SENP7: variants seen among roughly 807,000 people sequenced by gnomAD.
The protein encoded by SENP7 is sentrin-specific protease 7.
In SENP7, 64 loss-of-function variants were observed where a neutral mutation model predicts 141.2. The observed-to-expected ratio is 0.45, with a 90% CI of 0.37 to 0.56. The LOEUF (loss-of-function observed/expected upper bound fraction) is 0.56. Among genes scored for constraint, SENP7 ranks in the 20% least tolerant of loss-of-function variants. SENP7 has a pLI of 0.00. For synonymous variants in SENP7, 382 were observed against 426.4 expected (o/e 0.90, Z 1.28); for missense variants, 1,025 against 1,212.2 (o/e 0.85, Z 2.29).
At chr3:101,426,869 A>T (rs1281575230) in intron 4 of SENP7, among the ~76,000 whole-genome samples, 1 of 152,178 alleles carries the variant, frequency 6.6e-6, no homozygotes, top group East Asian at 1.9e-4. Context: ...GAAGCACTAA[A>T]TATGGAAAGG....
chr3:101,396,623 T>G (rs1576215834), intron 6 of SENP7, among the ~76,000 whole-genome samples: 1 of 152,176 alleles, frequency 6.6e-6, no homozygotes, highest in East Asian at 1.9e-4. Context: ...CATTCAAAAT[T>G]ACTTCTCTGT....
intron 12 of SENP7, among the ~76,000 whole-genome samples, chr3:101,351,206 A>T (rs1441208285): frequency 2.6e-5 from 4 of 151,930 alleles, no homozygotes; most frequent in African/African-American, 2.4e-5. Context: ...TTACAGGTAC[A>T]TTTTCCAGTC....
Position 101,469,615 on chromosome 3 carries a change from G to A in SENP7, c.187-10563C>T, listed in dbSNP as rs2063900658. Among the ~76,000 whole-genome samples, 14 of 114,248 alleles carry A rather than the reference G, an allele frequency of 1.2e-4. 5 individuals carry two copies. The Admixed American group carries it at 1.5e-3, about 13-fold the overall frequency. 75.0% of individuals were successfully genotyped at this position (114,248 alleles called of 152,430 possible). A position where few individuals can be genotyped will look rare whatever the true frequency, so the allele number is the denominator to read the frequency against. Reference sequence around the variant, plus strand: ...CGAGGCGGGTGGATCATGAGGTCAGGAGATCGAGACCATCCTGGCTAACAA... The same window carrying A: ...CGAGGCGGGTGGATCATGAGGTCAGAAGATCGAGACCATCCTGGCTAACAA... On this transcript the variant is annotated intron_variant, in intron 3 of 23. Coordinates refer to ENST00000394095, the MANE Select transcript of SENP7 (RefSeq NM_020654.5).
At chr3:101,463,992 T>G (rs2107919399) in intron 3 of SENP7, among the ~76,000 whole-genome samples, 1 of 152,056 alleles carries the variant, frequency 6.6e-6, no homozygotes, top group Middle Eastern at 3.4e-3. Flanking sequence ...GCCCAGCTAA[T>G]TTTTTGTATT....
At chr3:101,337,428 T>C (rs1323058265) in intron 17 of SENP7, 81 bp downstream of exon 17, 11 of 1,021,066 alleles carry the variant, frequency 1.1e-5, no homozygotes, top group East Asian at 8.3e-5. Flanking sequence ...GAGGAAATAC[T>C]ATAAAGAAGC....
At chr3:101,446,051 G>A (rs963077646) in intron 4 of SENP7, among the ~76,000 whole-genome samples, 3 of 152,240 alleles carry the variant, frequency 2.0e-5, no homozygotes, top group East Asian at 1.9e-4. Flanking sequence ...TGATTGGTTC[G>A]TGGGGGAGAA....
At chr3:101,360,968 C>G (rs2059880988) in intron 11 of SENP7, among the ~76,000 whole-genome samples, 1 of 152,120 alleles carries the variant, frequency 6.6e-6, no homozygotes, top group South Asian at 2.1e-4. Flanking sequence ...CTTTGGGAGG[C>G]TGAGGCAGGT....
chr3:101,374,856 C>T (rs1223964383), intron 6 of SENP7, among the ~76,000 whole-genome samples: 3 of 151,288 alleles, frequency 2.0e-5, no homozygotes, highest in African/African-American at 4.9e-5. Flanking sequence ...GAAAATATCT[C>T]CCACCCACAT....
chr3:101,361,041 C>CA (rs1416294466), intron 11 of SENP7, among the ~76,000 whole-genome samples: 1 of 151,812 alleles, frequency 6.6e-6, no homozygotes, highest in Non-Finnish European at 1.5e-5. Flanking sequence ...CCATCTCTAC[C>CA]AAAAAATACA....
rs72944190 is a variant in SENP7 at position 101,498,200 on chromosome 3, G to A, written c.90+2870C>T. 4.1e-3 allele frequency among the ~76,000 whole-genome samples: 619 copies of A among 152,280 alleles called. 5 individuals carry two copies. The highest frequency in any genetic ancestry group is 0.014 in the African/African-American group (584 of 41,564). Reference sequence around the variant, plus strand: ...TTGGAGGCAAGATACACTGATAGATGCTAAAATAGTAAACAAAAGTTTGAG... The same window carrying A: ...TTGGAGGCAAGATACACTGATAGATACTAAAATAGTAAACAAAAGTTTGAG... On this transcript the variant is annotated intron_variant, in intron 2 of 23. Coordinates refer to ENST00000394095, the MANE Select transcript of SENP7 (RefSeq NM_020654.5).
chr3:101,468,416 C>T (rs2063844739), intron 3 of SENP7, among the ~76,000 whole-genome samples: 1 of 152,062 alleles, frequency 6.6e-6, no homozygotes, highest in Non-Finnish European at 1.5e-5. Flanking sequence ...TCAGATTCAC[C>T]AAGGCTGAAA....
intron 3 of SENP7, among the ~76,000 whole-genome samples, chr3:101,476,622 G>A (rs1487946060): frequency 1.3e-5 from 2 of 152,170 alleles, no homozygotes; most frequent in Non-Finnish European, 2.9e-5. Context: ...ACCCAGTAAT[G>A]GGATTGCTTG....
At chr3:101,400,765 T>A (rs551936073) in intron 5 of SENP7, among the ~76,000 whole-genome samples, 2 of 151,868 alleles carry the variant, frequency 1.3e-5, no homozygotes, top group South Asian at 4.2e-4. Flanking sequence ...AATATTCACG[T>A]GAAAGGAAGA....
intron 3 of SENP7, among the ~76,000 whole-genome samples, chr3:101,490,841 A>C (rs2064937717): frequency 6.6e-6 from 1 of 152,230 alleles, no homozygotes; most frequent in Non-Finnish European, 1.5e-5. Context: ...ATACTTGCAC[A>C]GCCTCAAACA....
chr3:101,357,893 A>T, intron 11 of SENP7: 1 of 571,082 alleles, frequency 1.8e-6, no homozygotes, highest in Non-Finnish European at 3.2e-6. Context: ...TAACCTTACT[A>T]CACATAAGAT....
chr3:101,495,182 A>T (rs1048059988), intron 2 of SENP7, among the ~76,000 whole-genome samples: 1 of 152,212 alleles, frequency 6.6e-6, no homozygotes, highest in East Asian at 1.9e-4. Flanking sequence ...GAGAAATGCA[A>T]ATCAAAACGA....
chr3:101,381,245 A>G (rs907929261), intron 6 of SENP7, among the ~76,000 whole-genome samples: 15 of 152,176 alleles, frequency 9.9e-5, no homozygotes, highest in East Asian at 3.8e-4. Context: ...TGCATCTCAT[A>G]TATATTAGAC....
At chr3:101,380,254 T>TA (rs1414267187) in intron 6 of SENP7, among the ~76,000 whole-genome samples, 1 of 152,114 alleles carries the variant, frequency 6.6e-6, no homozygotes, top group Non-Finnish European at 1.5e-5. Flanking sequence ...TGAATGGTGG[T>TA]AATGGTTGTA....
intron 4 of SENP7, among the ~76,000 whole-genome samples, chr3:101,443,615 TTTTA>T (rs1305888467): frequency 1.3e-5 from 2 of 151,698 alleles, no homozygotes; most frequent in Admixed American, 6.6e-5. Context: ...TTGTATCCTC[TTTTA>T]TTTCATTGAG....
Sources: allele counts gnomAD v4.1 joint callset (sites outside exome capture counted in the v4.1 genomes callset), GRCh38; gene constraint gnomAD v4.1.1; transcripts MANE v1.5; gene names NCBI Gene and HGNC (gene_info 2026-07-23, HGNC 2026-07-21).